The following SH2B3 variants were observed in gnomAD, a reference collection of about 807,000 sequenced individuals.
SH2B3 encodes SH2B adaptor protein 3, also known as SH2B adapter protein 3.
Under a neutral mutation model 51.9 loss-of-function variants are expected in SH2B3, and 43 were observed. The ratio of observed to expected loss-of-function variants is 0.83; its 90% CI spans 0.65 to 1.07. SH2B3 has a LOEUF of 1.07. SH2B3 is among the 50% of genes least tolerant of loss of function. The pLI is 0.00. For synonymous variants in SH2B3, 396 were observed against 376.0 expected (o/e 1.05, Z -0.62); for missense variants, 952 against 834.3 (o/e 1.14, Z -1.74).
At chr12:111,417,746 C>T (rs535178195) in intron 1 of SH2B3, among the ~76,000 whole-genome samples, 4 of 152,170 alleles carry the variant, frequency 2.6e-5, no homozygotes, top group South Asian at 2.1e-4. Flanking sequence ...CCTGAGCCTC[C>T]GACCTCAGCC....
rs1349935947 is a variant in SH2B3, at chr12:111,438,766, G to A, written c.733-7987G>A. ...TACTGTGGTCAGGGAGGGCCTCCCT[G>A]AGGAGATGACACTTTGAAAAGCAGT... On this transcript the variant is annotated intron_variant, in intron 2 of 7. Transcript: ENST00000341259. This position sits in a 1 kb window ranked among gnomAD's most constrained non-coding sequence, Gnocchi z 4.2. Among the ~76,000 whole-genome samples, 1 of 152,162 alleles carries A rather than the reference G, an allele frequency of 6.6e-6. No individual in the cohort carries two copies. The highest frequency in any genetic ancestry group is 1.5e-5 in the Non-Finnish European group (1 of 68,026).
chr12:111,433,752 G>A lies in SH2B3; in HGVS notation c.733-13001G>A, dbSNP rs1461575163. On this transcript the variant is annotated intron_variant, in intron 2 of 7. Transcript: ENST00000341259. ...TAATTTTTGTTTTTCACTACACTAC[G>A]TGATGTGGTTTTTTGTTTTGTTTTG... Among the ~76,000 whole-genome samples the A allele has an allele frequency of 3.9e-5, 6 of 152,088 alleles. 1 individual carries two copies. The highest frequency in any genetic ancestry group is 4.1e-4 in the South Asian group (2 of 4,826).
At position 111,435,838 on chromosome 12, in the gene SH2B3, G is replaced by A. The variant is rs1037095506; in HGVS notation, c.733-10915G>A. Among the ~76,000 whole-genome samples, 1 of 152,208 alleles carries A rather than the reference G, an allele frequency of 6.6e-6. No homozygotes were observed. The highest frequency in any genetic ancestry group is 1.5e-5 in the Non-Finnish European group (1 of 68,034). On this transcript the variant is annotated intron_variant, in intron 2 of 7. Coordinates refer to ENST00000341259, the MANE Select transcript of SH2B3 (RefSeq NM_005475.3). This position sits in a 1 kb window ranked among gnomAD's most constrained non-coding sequence, Gnocchi z 4.8. The stretch of plus-strand genomic sequence containing the variant: ...CAGGGGTGCTGGGCTTAGCCAGGCT[G>A]GCCACAGTGGGGGCAGGAAGGATTC...
At chr12:111,430,176 G>T (rs59241215) in intron 2 of SH2B3, among the ~76,000 whole-genome samples, 9,831 of 152,274 alleles carry the variant, frequency 0.065, 1,057 homozygotes, top group African/African-American at 0.22. Context: ...TGGCCTTCTG[G>T]GAGTGATGGG....
intron 2 of SH2B3, among the ~76,000 whole-genome samples, chr12:111,426,751 T>G (rs1400295795): frequency 6.6e-6 from 1 of 152,048 alleles, no homozygotes; most frequent in Non-Finnish European, 1.5e-5. Flanking sequence ...TGCCCTAAAT[T>G]CTTGGACCTT....
At chr12:111,428,140 T>C (rs1411927058) in intron 2 of SH2B3, among the ~76,000 whole-genome samples, 1 of 152,232 alleles carries the variant, frequency 6.6e-6, no homozygotes, top group Non-Finnish European at 1.5e-5. Flanking sequence ...TTTTATCCAA[T>C]GCCACCATTT....
chr12:111,439,934 G>T (rs551467283), intron 2 of SH2B3, among the ~76,000 whole-genome samples: 2 of 152,154 alleles, frequency 1.3e-5, no homozygotes, highest in East Asian at 3.9e-4. Flanking sequence ...TGGCTGCTCA[G>T]CTCCCAGCAT....
chr12:111,433,546 G>T (rs1023833239), intron 2 of SH2B3, among the ~76,000 whole-genome samples: 1 of 152,062 alleles, frequency 6.6e-6, no homozygotes, highest in Non-Finnish European at 1.5e-5. Context: ...TAGTTTCTCA[G>T]TGTGGTGTTT....
In SH2B3 at chr12:111,418,695, C is replaced by T. The variant is rs1347353602; in HGVS notation, c.550C>T (p.Pro184Ser). 16 of 1,488,828 alleles carry T rather than the reference C, an allele frequency of 1.1e-5. No individual in the cohort carries two copies. In the South Asian group the frequency reaches 1.9e-4, roughly 17 times the overall value. The allele number at this position is 1,488,828 out of a possible 1,614,324, so 92.2% of individuals were successfully genotyped here. The change falls in exon 2 of 8, where the codon CCC (proline) becomes TCC (serine). Residue 184 changes from proline (P) to serine (S), a missense_variant. Coordinates refer to ENST00000341259, the MANE Select transcript of SH2B3 (RefSeq NM_005475.3). This position sits in a 1 kb window ranked among gnomAD's most constrained non-coding sequence, Gnocchi z 6.7. ...GCCTGGCCTGGCCAAGAAGTTCCTGCCCTGGAGCCTGGCCCGGGAGCCGCC... is the reference window on the plus strand; with the variant it reads ...GCCTGGCCTGGCCAAGAAGTTCCTGTCCTGGAGCCTGGCCCGGGAGCCGCC... ...ARPGLAKKFL[P>S]WSLAREPPPE... is the part of the protein sequence containing the mutation.
intron 1 of SH2B3, among the ~76,000 whole-genome samples, chr12:111,413,942 G>A (rs1469737499): frequency 6.6e-6 from 1 of 152,222 alleles, no homozygotes; most frequent in Non-Finnish European, 1.5e-5. Context: ...CAGGGCAGAG[G>A]GAATGGCTCA....
chr12:111,428,045 T>C (rs1235179796), intron 2 of SH2B3, among the ~76,000 whole-genome samples: 1 of 152,252 alleles, frequency 6.6e-6, no homozygotes, highest in Non-Finnish European at 1.5e-5. Flanking sequence ...ACTGTCAGTA[T>C]TATTGATGGC....
In SH2B3 at chr12:111,438,232, G is replaced by C. The variant is rs1873069044; in HGVS notation, c.733-8521G>C. 6.6e-6 allele frequency among the ~76,000 whole-genome samples: 1 copy of C among 152,122 alleles called. No homozygotes were observed. Among genetic ancestry groups the C allele is most frequent in the Non-Finnish European group, 1.5e-5 (1 of 68,012 alleles). On this transcript the variant is annotated intron_variant, in intron 2 of 7. Transcript: ENST00000341259. The surrounding 1 kb of genome is among the most constrained non-coding windows in gnomAD (Gnocchi z 4.2). ...CAGGTGTTGGGGGTGCTGGGGCTGG[G>C]GGTGGGCAGATGAGGATTGGAGCCC...
In SH2B3 at chr12:111,417,184, C is replaced by T. The variant is rs115641226; in HGVS notation, c.-27-935C>T. ...CCTATAGATGGGCCAGATTCTTTCA[C>T]TAGTCTCCAGCTGGTGGGCATTTAG... On this transcript the variant is annotated intron_variant, in intron 1 of 7. Coordinates refer to ENST00000341259, the MANE Select transcript of SH2B3 (RefSeq NM_005475.3). Among the ~76,000 whole-genome samples, 1,202 of 152,320 alleles carry T rather than the reference C, an allele frequency of 7.9e-3. 15 individuals are homozygous for T. Among genetic ancestry groups the T allele is most frequent in the African/African-American group, 0.028 (1,154 of 41,560 alleles).
rs539807079 is a variant in SH2B3 at position 111,415,619 on chromosome 12, AT to A, written c.-27-2482del. ...TTTTGTTTTTGTTTTTGTGTGTGTGATTTTTTTTTTTTTTTTTTCCAGGACA... is the reference window on the plus strand; with the variant it reads ...TTTTGTTTTTGTTTTTGTGTGTGTGATTTTTTTTTTTTTTTTTCCAGGACA... On this transcript the variant is annotated intron_variant, in intron 1 of 7. Transcript: ENST00000341259. Among the ~76,000 whole-genome samples the A allele has an allele frequency of 9.1e-3, 1,121 of 122,722 alleles. 7 individuals carry two copies. The highest frequency in any genetic ancestry group is 0.015 in the Non-Finnish European group (818 of 56,370). The allele number at this position is 122,722 out of a possible 152,430, so 80.5% of individuals were successfully genotyped here. A position where few individuals can be genotyped will look rare whatever the true frequency, so the allele number is the denominator to read the frequency against.
chr12:111,414,103 T>C (rs945917218), intron 1 of SH2B3, among the ~76,000 whole-genome samples: 1 of 152,182 alleles, frequency 6.6e-6, no homozygotes, highest in African/African-American at 2.4e-5. Context: ...TGGGGAACAG[T>C]AGGATTGACC....
chr12:111,447,169 A>G lies in SH2B3; in HGVS notation c.971A>G (p.Glu324Gly), dbSNP rs772404654. The change falls in exon 5 of 8, where the codon GAG becomes GGG. Residue 324 changes from glutamate to glycine, a missense_variant. Glu to Gly is a moderately conservative substitution (Grantham distance 98). Coordinates refer to ENST00000341259, the MANE Select transcript of SH2B3 (RefSeq NM_005475.3). Reference protein sequence around the residue: ...EAEMHIPSALEPSTSSSPRGS... With the variant: ...EAEMHIPSALGPSTSSSPRGS... ...GAGATGCATATTCCCTCAGCCCTAG[A>G]GCCTAGCACGTCCAGCTCCCCAAGG... The G allele has an allele frequency of 8.7e-6, 14 of 1,614,064 alleles. No individual in the cohort carries two copies. The highest frequency in any genetic ancestry group is 1.1e-5 in the Non-Finnish European group (13 of 1,179,972).
chr12:111,439,391 T>C (rs1484893680), intron 2 of SH2B3, among the ~76,000 whole-genome samples: 1 of 152,194 alleles, frequency 6.6e-6, no homozygotes, highest in African/African-American at 2.4e-5. Context: ...TCAGGTGATC[T>C]GCCTTGCCTC....
At chr12:111,411,616 G>T (rs1254127445) in intron 1 of SH2B3, among the ~76,000 whole-genome samples, 1 of 152,180 alleles carries the variant, frequency 6.6e-6, no homozygotes, top group African/African-American at 2.4e-5. Context: ...TGGCTCCAGG[G>T]TGCCTGGGGC....
chr12:111,447,323 C>G lies in SH2B3; in HGVS notation c.1022-7C>G. The G allele has an allele frequency of 6.2e-7, 1 of 1,612,174 alleles. No individual in the cohort carries two copies. The highest frequency in any genetic ancestry group is 8.5e-7 in the Non-Finnish European group (1 of 1,178,316). On this transcript the variant is annotated splice_region_variant and splice_polypyrimidine_tract_variant and intron_variant, in intron 5 of 7. Coordinates refer to ENST00000341259, the MANE Select transcript of SH2B3 (RefSeq NM_005475.3). ...CTGCGACCACCATCACCCATCTTAT[C>G]TAACAGGTGCTTCTCCTGGGGGGCT...
Sources: gnomAD v4.1 joint callset for allele counts (sites outside exome capture counted in the v4.1 genomes callset) on GRCh38, gnomAD v4.1.1 for gene constraint, Gnocchi (gnomAD v3.1) non-coding constraint, MANE v1.5 for transcripts, NCBI Gene and HGNC (gene_info 2026-07-23, HGNC 2026-07-21) for gene names.